GINS2: variants seen among roughly 807,000 people sequenced by gnomAD.
The protein encoded by GINS2 is GINS complex subunit 2, also known as DNA replication complex GINS protein PSF2.
A neutral mutation model predicts 21.2 loss-of-function variants in GINS2; 23 were observed. The observed-to-expected ratio is 1.08, with a 90% CI of 0.78 to 1.53. The LOEUF is 1.53. Among genes scored for constraint, GINS2 ranks in the 40% most tolerant of loss-of-function variants. The pLI, the probability that GINS2 is intolerant of heterozygous loss-of-function variation, is 0.00. For synonymous variants in GINS2, 118 were observed against 85.6 expected (o/e 1.38, Z -2.09); for missense variants, 323 against 233.9 (o/e 1.38, Z -2.49).
chr16:85,682,976 C>A (rs2053746747), intron 2 of GINS2, among the ~76,000 whole-genome samples: 1 of 152,042 alleles, frequency 6.6e-6, no homozygotes, highest in Admixed American at 6.5e-5. Flanking sequence ...CACCTGACAC[C>A]CAGCTGAGTG....
chr16:85,678,398 C>G, intron 4 of GINS2, 61 bp from the exon 5 acceptor site: 2 of 1,590,676 alleles, frequency 1.3e-6, no homozygotes, highest in Non-Finnish European at 1.7e-6. Context: ...AAAAGGTAAA[C>G]TCTACTGAAT....
In GINS2 at chr16:85,677,112, C is replaced by G. The variant is rs1045472787; in HGVS notation, c.*1100G>C. ...AGTCTCAATCTCCTGGCCTTGTGAT[C>G]CACCTGCCTTGGCCTCCCAAAGTGC... is the stretch of plus-strand genomic sequence containing the variant. On this transcript the variant is annotated 3_prime_UTR_variant, in exon 5 of 5. Transcript: ENST00000253462. 6.6e-6 allele frequency: 1 copy of G among 151,854 alleles called. No homozygotes were observed. The highest frequency in any genetic ancestry group is 1.5e-5 in the Non-Finnish European group (1 of 67,984). 9.4% of individuals were successfully genotyped at this position (151,854 alleles called of 1,614,324 possible).
At chr16:85,683,519 G>A (rs1421768500) in intron 2 of GINS2, among the ~76,000 whole-genome samples, 2 of 152,166 alleles carry the variant, frequency 1.3e-5, no homozygotes, top group African/African-American at 4.8e-5. Context: ...TGCTCCTGCA[G>A]CCTCCCACCT....
chr16:85,679,056 C>G (rs2152050813), intron 3 of GINS2, among the ~76,000 whole-genome samples: 1 of 152,296 alleles, frequency 6.6e-6, no homozygotes, highest in South Asian at 2.1e-4. Context: ...TCCTCATTTA[C>G]AGAGTGTTGA....
intron 3 of GINS2, among the ~76,000 whole-genome samples, chr16:85,680,016 C>T (rs890288137): frequency 6.6e-6 from 1 of 152,210 alleles, no homozygotes; most frequent in African/African-American, 2.4e-5. Flanking sequence ...CCACCTCCTA[C>T]AAGTCTGCAC....
Position 85,678,028 on chromosome 16 carries a change from C to T in GINS2, c.*184G>A, listed in dbSNP as rs1449622113. The T allele has an allele frequency of 1.8e-6, 1 of 556,204 alleles. No individual in the cohort carries two copies. The highest frequency in any genetic ancestry group is 3.3e-5 in the Admixed American group (1 of 30,358). The allele number at this position is 556,204 out of a possible 1,614,324, so 34.5% of individuals were successfully genotyped here. ...ACAGATGTGGAATTGAAGAATGTCCCAGGGAGCTAAGTTTTAAGGACTAAT... is the reference window on the plus strand; with the variant it reads ...ACAGATGTGGAATTGAAGAATGTCCTAGGGAGCTAAGTTTTAAGGACTAAT... On this transcript the variant is annotated 3_prime_UTR_variant, in exon 5 of 5. Transcript: ENST00000253462.
chr16:85,681,357 G>A (rs1199011214), intron 3 of GINS2, among the ~76,000 whole-genome samples: 1 of 152,220 alleles, frequency 6.6e-6, no homozygotes. Context: ...GAGAGACAGA[G>A]AAAGGCAAAG....
chr16:85,687,871 A>C (rs2053791418), intron 1 of GINS2: 3 of 251,906 alleles, frequency 1.2e-5, no homozygotes, highest in Non-Finnish European at 1.5e-5. Context: ...AACAGGTTTC[A>C]CACACCCAAT....
intron 2 of GINS2, among the ~76,000 whole-genome samples, chr16:85,685,742 T>G (rs2053771429): frequency 6.7e-6 from 1 of 148,714 alleles, no homozygotes; most frequent in African/African-American, 2.5e-5. Flanking sequence ...CAGGACTACC[T>G]GAGTCACTTG....
At chr16:85,679,746 C>CA (rs1395868318) in intron 3 of GINS2, among the ~76,000 whole-genome samples, 14 of 152,142 alleles carry the variant, frequency 9.2e-5, no homozygotes, top group African/African-American at 2.9e-4. Context: ...TAGCTAATGC[C>CA]AAATTCTTAC....
Position 85,688,760 on chromosome 16 carries a change from G to A in GINS2, c.90+49C>T, listed in dbSNP as rs201567976. ...GGGCTGAAGGCCACGCGGGAGCCCC[G>A]GACGCGCCCAGCCCGGCCTCCCCTC... On this transcript the variant is annotated intron_variant, in intron 1 of 4. Coordinates refer to ENST00000253462, the MANE Select transcript of GINS2 (RefSeq NM_016095.3). 7,086 of 1,222,390 alleles carry A rather than the reference G, an allele frequency of 5.8e-3. 40 individuals carry two copies. Among genetic ancestry groups the A allele is most frequent in the Non-Finnish European group, 6.4e-3 (5,691 of 887,202 alleles). 75.7% of individuals were successfully genotyped at this position (1,222,390 alleles called of 1,614,324 possible).
chr16:85,686,208 A>G (rs1362305681), intron 2 of GINS2, among the ~76,000 whole-genome samples: 2 of 152,148 alleles, frequency 1.3e-5, no homozygotes, highest in African/African-American at 4.8e-5. Flanking sequence ...AGGTCAGGAG[A>G]TTGAGACCAA....
In GINS2 at chr16:85,687,393, G is replaced by A. The variant is rs572842009; in HGVS notation, c.205+67C>T. The A allele has an allele frequency of 4.1e-5, 36 of 878,040 alleles. 1 individual carries two copies. The highest frequency in any genetic ancestry group is 4.6e-4 in the Middle Eastern group (2 of 4,338). The allele number at this position is 878,040 out of a possible 1,614,324, so 54.4% of individuals were successfully genotyped here. A position where few individuals can be genotyped will look rare whatever the true frequency, so the allele number is the denominator to read the frequency against. On this transcript the variant is annotated intron_variant, in intron 2 of 4. Transcript: ENST00000253462. ...GAAGGAGGCCCCATGCCTCCACCCC[G>A]TGGGAGAGGGCGTCACCCCAAGCCC...
chr16:85,676,661 A>G lies in GINS2; in HGVS notation c.*1551T>C, dbSNP rs976663360. On this transcript the variant is annotated 3_prime_UTR_variant, in exon 5 of 5. Transcript: ENST00000253462. ...TGCGCATTCTCAGAGCTCCCCAGAC[A>G]GCACCCCACTGCTTTTGGCCCACTG... 1 of 152,332 alleles carries G rather than the reference A, an allele frequency of 6.6e-6. No homozygotes were observed. The highest frequency in any genetic ancestry group is 6.5e-5 in the Admixed American group (1 of 15,296). 9.4% of individuals were successfully genotyped at this position (152,332 alleles called of 1,614,324 possible).
At position 85,678,344 on chromosome 16, in the gene GINS2, C is replaced by A. The variant is rs914022570; in HGVS notation, c.433-7G>T. Reference sequence around the variant, plus strand: ...TCAAGGTCAAGTTATCCAGCTAAAGCAAGAAAACAGACCAAGTTGGCCAAG... The same window carrying A: ...TCAAGGTCAAGTTATCCAGCTAAAGAAAGAAAACAGACCAAGTTGGCCAAG... On this transcript the variant is annotated splice_region_variant and splice_polypyrimidine_tract_variant and intron_variant, in intron 4 of 4. Transcript: ENST00000253462. 2 of 1,613,594 alleles carry A rather than the reference C, an allele frequency of 1.2e-6. No individual in the cohort carries two copies. Among genetic ancestry groups the A allele is most frequent in the African/African-American group, 2.7e-5 (2 of 74,912 alleles).
chr16:85,678,162 C>A lies in GINS2; in HGVS notation c.*50G>T. On this transcript the variant is annotated 3_prime_UTR_variant, in exon 5 of 5. Coordinates refer to ENST00000253462, the MANE Select transcript of GINS2 (RefSeq NM_016095.3). ...CTCCAGAACCACGAGTACCTCATCA[C>A]GTCCTGAGCGCTCACATCCCCCAGC... 2 of 1,581,150 alleles carry A rather than the reference C, an allele frequency of 1.3e-6. No homozygotes were observed. The highest frequency in any genetic ancestry group is 1.7e-6 in the Non-Finnish European group (2 of 1,155,400).
chr16:85,681,618 G>C lies in GINS2; in HGVS notation c.269C>G (p.Pro90Arg), dbSNP rs555226477. 2.5e-6 allele frequency: 4 copies of C among 1,612,452 alleles called. No homozygotes were observed. The highest frequency in any genetic ancestry group is 3.4e-6 in the Non-Finnish European group (4 of 1,178,546). Reference sequence around the variant, plus strand: ...GAGCTTCGTAAGTTCCATGTAGTAAGGGCTGGGCATTGGGGTAAAAGTTTC... The same window carrying C: ...GAGCTTCGTAAGTTCCATGTAGTAACGGCTGGGCATTGGGGTAAAAGTTTC... ...KEETFTPMPS[P>R]YYMELTKLLL... Residue 90 changes from proline to arginine, a missense_variant, in exon 3 of 5, where the codon CCT (proline) becomes CGT (arginine). Pro to Arg is a moderately radical substitution (Grantham distance 103). Coordinates refer to ENST00000253462, the MANE Select transcript of GINS2 (RefSeq NM_016095.3).
chr16:85,681,802 A>G, intron 2 of GINS2, 121 bp from the exon 3 acceptor site: 1 of 625,838 alleles, frequency 1.6e-6, no homozygotes, highest in South Asian at 2.1e-5. Flanking sequence ...AAATACATGA[A>G]AAAACATTTT....
chr16:85,678,564 C>G lies in GINS2; in HGVS notation c.408G>C (p.Val136=). The change falls in exon 4 of 5, where the codon GTG becomes GTC. Residue 136 remains valine, a synonymous_variant. Coordinates refer to ENST00000253462, the MANE Select transcript of GINS2 (RefSeq NM_016095.3). ...AKLRVSADSF[V]RQQEAHAKLD... ...CCTTGGCATGTGCCTCCTGCTGTCT[C>G]ACAAAGCTGTCAGCAGACACTCGGA... 1.2e-6 allele frequency: 2 copies of G among 1,613,836 alleles called. No individual in the cohort carries two copies. The highest frequency in any genetic ancestry group is 1.7e-6 in the Non-Finnish European group (2 of 1,179,922).
Sources: gnomAD v4.1 joint callset for allele counts (sites outside exome capture counted in the v4.1 genomes callset) on GRCh38, gnomAD v4.1.1 for gene constraint, MANE v1.5 for transcripts, NCBI Gene and HGNC (gene_info 2026-07-23, HGNC 2026-07-21) for gene names.